Variants in EXOC6B observed in about 807,000 individuals in gnomAD.
The protein encoded by EXOC6B is SEC15 homolog B.
In EXOC6B, 54 loss-of-function variants were observed where a neutral mutation model predicts 113.5. The ratio of observed to expected loss-of-function variants is 0.48; its 90% CI spans 0.38 to 0.60. The LOEUF is 0.60. Among genes scored for constraint, EXOC6B ranks in the 20% least tolerant of loss-of-function variants. The pLI, the probability that EXOC6B is intolerant of heterozygous loss-of-function variation, is 0.00. For missense variants in EXOC6B, 797 were observed against 977.5 expected (o/e 0.82, Z 2.46); for synonymous variants, 357 against 339.0 (o/e 1.05, Z -0.58).
intron 18 of EXOC6B, among the ~76,000 whole-genome samples, chr2:72,422,219 G>C (rs1444659131): frequency 1.3e-5 from 2 of 152,250 alleles, no homozygotes; most frequent in African/African-American, 2.4e-5. Flanking sequence ...CAAGCACCCG[G>C]CGCGGGACTG....
At chr2:72,643,556 T>A (rs1345964429) in intron 6 of EXOC6B, among the ~76,000 whole-genome samples, 1 of 141,498 alleles carries the variant, frequency 7.1e-6, no homozygotes, top group East Asian at 2.1e-4. Context: ...AGGTGGGAAG[T>A]GAACAATGAG....
At chr2:72,536,884 A>G (rs992989787) in intron 8 of EXOC6B, among the ~76,000 whole-genome samples, 3 of 152,222 alleles carry the variant, frequency 2.0e-5, no homozygotes, top group African/African-American at 7.2e-5. Flanking sequence ...GGAGAAATTA[A>G]CAACTTTGCA....
At chr2:72,378,606 G>C (rs1691496953) in intron 19 of EXOC6B, among the ~76,000 whole-genome samples, 1 of 152,168 alleles carries the variant, frequency 6.6e-6, no homozygotes, top group Non-Finnish European at 1.5e-5. Flanking sequence ...GCTGTAACTA[G>C]AAGTCCTATT....
intron 1 of EXOC6B, among the ~76,000 whole-genome samples, chr2:72,815,015 G>T (rs7588602): frequency 2.6e-5 from 4 of 152,198 alleles, no homozygotes; most frequent in South Asian, 2.1e-4. Flanking sequence ...AAATAAAATG[G>T]CTTTGTTTAC....
At chr2:72,353,741 T>C (rs1311796953) in intron 19 of EXOC6B, among the ~76,000 whole-genome samples, 2 of 152,032 alleles carry the variant, frequency 1.3e-5, no homozygotes, top group African/African-American at 4.8e-5. Context: ...TAAAAAGGCT[T>C]TGGAAATTAA....
At chr2:72,636,385 G>A (rs1359398007) in intron 6 of EXOC6B, among the ~76,000 whole-genome samples, 3 of 142,358 alleles carry the variant, frequency 2.1e-5, no homozygotes, top group Non-Finnish European at 4.7e-5. Flanking sequence ...AGGAAGCAAG[G>A]AAGGGAGGGA....
chr2:72,784,080 G>A (rs896059157), intron 1 of EXOC6B, among the ~76,000 whole-genome samples: 1 of 152,124 alleles, frequency 6.6e-6, no homozygotes, highest in Non-Finnish European at 1.5e-5. Flanking sequence ...AGTGTTCCCA[G>A]CACTATTGAT....
chr2:72,752,638 C>T lies in EXOC6B; in HGVS notation c.114-11169G>A, dbSNP rs80025829. ...TCAGTTAAGATCTTAAAAGAGCACA[C>T]TATACTTACTGCCTCCATTTCCTCA... On this transcript the variant is annotated intron_variant, in intron 1 of 21. Transcript: ENST00000272427. Among the ~76,000 whole-genome samples, 839 of 151,566 alleles carry T rather than the reference C, an allele frequency of 5.5e-3. 6 individuals carry two copies. The highest frequency in any genetic ancestry group is 0.02 in the African/African-American group (811 of 41,342).
chr2:72,718,221 A>G lies in EXOC6B; in HGVS notation c.551T>C (p.Val184Ala). 1 of 1,613,862 alleles carries G rather than the reference A, an allele frequency of 6.2e-7. No individual in the cohort carries two copies. The highest frequency in any genetic ancestry group is 1.3e-5 in the African/African-American group (1 of 75,038). Residue 184 changes from valine (V) to alanine (A), a missense_variant, in exon 6 of 22, where the codon GTG (valine) becomes GCG (alanine). By Grantham distance (64) the Val-to-Ala change is moderately conservative. Coordinates refer to ENST00000272427, the MANE Select transcript of EXOC6B (RefSeq NM_015189.3). ...VSHYRFCKVM[V>A]DNIPKLREEI... Reference sequence around the variant, plus strand: ...TTCTCGAAGCTTGGGGATGTTGTCCACCATCACCTTGCAGAATCGATAGTG... The same window carrying G: ...TTCTCGAAGCTTGGGGATGTTGTCCGCCATCACCTTGCAGAATCGATAGTG...
intron 20 of EXOC6B, among the ~76,000 whole-genome samples, chr2:72,228,353 G>C (rs899843759): frequency 6.6e-6 from 1 of 151,900 alleles, no homozygotes. Flanking sequence ...TGCCATGTTG[G>C]TGTGCTGCAC....
chr2:72,476,693 T>C (rs999327557), intron 17 of EXOC6B, among the ~76,000 whole-genome samples: 10 of 152,110 alleles, frequency 6.6e-5, no homozygotes, highest in African/African-American at 2.4e-4. Context: ...CACAGTAGAA[T>C]GTTTATTTTT....
At chr2:72,180,967 T>C (rs2104201439) in intron 21 of EXOC6B, among the ~76,000 whole-genome samples, 1 of 152,214 alleles carries the variant, frequency 6.6e-6, no homozygotes, top group African/African-American at 2.4e-5. Flanking sequence ...CCCAGCACTT[T>C]GGGAGGCCGA....
At chr2:72,671,755 GAAAGAAAGAAAGAAAGAAAGAA>G (rs1675831820) in intron 6 of EXOC6B, among the ~76,000 whole-genome samples, 63 of 14,732 alleles carry the variant, frequency 4.3e-3, no homozygotes, top group African/African-American at 6.7e-3. Context: ...GACAGAGAAA[GAAAGAAAGAAAGAAAGAAAGAA>G]AGAAAGAAAG....
intron 16 of EXOC6B, among the ~76,000 whole-genome samples, chr2:72,480,966 T>C (rs1332770371): frequency 6.6e-6 from 1 of 152,210 alleles, no homozygotes; most frequent in African/African-American, 2.4e-5. Context: ...AATCTCATCT[T>C]GAATTGTAAT....
chr2:72,335,506 T>C (rs745491489), intron 19 of EXOC6B, among the ~76,000 whole-genome samples: 10 of 151,622 alleles, frequency 6.6e-5, no homozygotes, highest in Non-Finnish European at 1.5e-4. Flanking sequence ...TCATTAATTA[T>C]TCCCTCACTG....
chr2:72,680,478 G>A (rs183582712), intron 6 of EXOC6B, among the ~76,000 whole-genome samples: 30 of 152,268 alleles, frequency 2.0e-4, no homozygotes, highest in African/African-American at 6.5e-4. Flanking sequence ...AGTGGCTCAC[G>A]CCTGTAATCC....
Position 72,609,251 on chromosome 2 carries a change from G to A in EXOC6B, c.670-33583C>T, listed in dbSNP as rs112243560. On this transcript the variant is annotated intron_variant, in intron 6 of 21. Transcript: ENST00000272427. ...AATCAGGAGAACAAACAGCAATAGA[G>A]TCAGACCCATAAGTAACCTAGATAT... 8.0e-4 allele frequency among the ~76,000 whole-genome samples: 122 copies of A among 152,050 alleles called. 3 individuals are homozygous for A. The highest frequency in any genetic ancestry group is 2.7e-3 in the African/African-American group (114 of 41,512).
intron 20 of EXOC6B, among the ~76,000 whole-genome samples, chr2:72,280,158 G>A (rs1467657443): frequency 6.6e-6 from 1 of 151,864 alleles, no homozygotes; most frequent in African/African-American, 2.4e-5. Context: ...TATCATTCTA[G>A]TTCTTCCATT....
At chr2:72,190,951 C>T (rs550272961) in intron 20 of EXOC6B, among the ~76,000 whole-genome samples, 33 of 152,254 alleles carry the variant, frequency 2.2e-4, no homozygotes, top group African/African-American at 7.9e-4. Context: ...AATGTTAAGG[C>T]TAATTCAATC....
Sources: gnomAD v4.1 joint callset for allele counts (sites outside exome capture counted in the v4.1 genomes callset) on GRCh38, gnomAD v4.1.1 for gene constraint, MANE v1.5 for transcripts, NCBI Gene and HGNC (gene_info 2026-07-23, HGNC 2026-07-21) for gene names.